The following HIF1A variants were observed in gnomAD, a reference collection of about 807,000 sequenced individuals.
HIF1A encodes hypoxia inducible factor 1 subunit alpha, also known as hypoxia-inducible factor 1-alpha.
In HIF1A, 24 loss-of-function variants were observed where a neutral mutation model predicts 92.7. The observed-to-expected ratio is 0.26, with a 90% CI of 0.19 to 0.36. HIF1A has a LOEUF of 0.36. Among genes scored for constraint, HIF1A ranks in the 10% least tolerant of loss-of-function variants. HIF1A has a pLI of 1.00. For synonymous variants in HIF1A, 319 were observed against 338.7 expected, an observed-to-expected ratio of 0.94 and a Z score of 0.64; for missense variants, 799 against 998.5, an observed-to-expected ratio of 0.80 and a Z score of 2.69.
At chr14:61,699,258 G>T (rs1226543827) in intron 1 of HIF1A, among the ~76,000 whole-genome samples, 43 of 152,134 alleles carry the variant, frequency 2.8e-4, no homozygotes, top group Admixed American at 2.8e-3. Context: ...CATTCCTACG[G>T]TCCACTGCAG....
chr14:61,698,484 C>T (rs1344003369), intron 1 of HIF1A, among the ~76,000 whole-genome samples: 1 of 152,204 alleles, frequency 6.6e-6, no homozygotes, highest in African/African-American at 2.4e-5. Context: ...AAGCACTTAG[C>T]CCATTGCAGG....
At chr14:61,697,955 G>A in intron 1 of HIF1A, 2 of 1,489,438 alleles carry the variant, frequency 1.3e-6, no homozygotes, top group Non-Finnish European at 1.8e-6. Flanking sequence ...TAGAAAATGG[G>A]TATGGTTATG....
At chr14:61,707,306 T>G (rs2044250322) in intron 1 of HIF1A, among the ~76,000 whole-genome samples, 1 of 540 alleles carries the variant, frequency 1.9e-3, no homozygotes, top group African/African-American at 2.3e-3. Context: ...CATTCTGTGT[T>G]TTTTTTTTCT....
intron 1 of HIF1A, among the ~76,000 whole-genome samples, chr14:61,715,168 A>G (rs781408221): frequency 5.9e-5 from 9 of 152,192 alleles, no homozygotes; most frequent in Non-Finnish European, 8.8e-5. Flanking sequence ...CTGAATTACC[A>G]TCTTTTGACT....
intron 1 of HIF1A, among the ~76,000 whole-genome samples, chr14:61,702,524 A>C (rs2044190169): frequency 6.6e-6 from 1 of 152,026 alleles, no homozygotes; most frequent in African/African-American, 2.4e-5. Context: ...AAGAAAGTTA[A>C]AGAATCTCCT....
At chr14:61,735,788 A>C (rs1253760949) in intron 8 of HIF1A, among the ~76,000 whole-genome samples, 12 of 152,170 alleles carry the variant, frequency 7.9e-5, no homozygotes, top group Non-Finnish European at 1.5e-4. Context: ...CTCTCTTAGA[A>C]AGATCTTAAT....
At position 61,709,516 on chromosome 14, in the gene HIF1A, AT is replaced by A. The variant is rs2044282655; in HGVS notation, c.36-10863del. 3.9e-5 allele frequency among the ~76,000 whole-genome samples: 6 copies of A among 152,068 alleles called. No individual in the cohort carries two copies. The South Asian group carries it at 1.3e-3, about 32-fold the overall frequency. On this transcript the variant is annotated intron_variant, in intron 1 of 14. Transcript: ENST00000337138. ...TTATTTTACTGCATTAGAAAATCAC[AT>A]TTAAAGTAAGCATTTTGGTGAGGTT...
chr14:61,729,188 G>A (rs184325802), intron 6 of HIF1A, among the ~76,000 whole-genome samples: 4 of 152,202 alleles, frequency 2.6e-5, no homozygotes, highest in African/African-American at 9.6e-5. Flanking sequence ...ATGGCTGGGT[G>A]GGGTGGCTCA....
chr14:61,728,810 G>A (rs2044539439), intron 6 of HIF1A, among the ~76,000 whole-genome samples: 1 of 152,086 alleles, frequency 6.6e-6, no homozygotes. Context: ...CATCTAAGTT[G>A]CCAGAAAGTG....
At chr14:61,725,774 G>C (rs896138614) in intron 4 of HIF1A, among the ~76,000 whole-genome samples, 2 of 151,468 alleles carry the variant, frequency 1.3e-5, no homozygotes, top group South Asian at 2.1e-4. Flanking sequence ...GTTATAGAAG[G>C]TTTGAAATTG....
At chr14:61,711,149 A>G (rs1278092295) in intron 1 of HIF1A, among the ~76,000 whole-genome samples, 2 of 151,170 alleles carry the variant, frequency 1.3e-5, no homozygotes, top group African/African-American at 4.9e-5. Context: ...AAGTTAGTAA[A>G]CTCCTGTTTC....
intron 6 of HIF1A, among the ~76,000 whole-genome samples, chr14:61,731,166 G>A (rs528924782): frequency 1.1e-4 from 16 of 151,752 alleles, no homozygotes; most frequent in Admixed American, 7.2e-4. Flanking sequence ...AGTTAGGTAG[G>A]GTTTTTTTTT....
Position 61,744,515 on chromosome 14 carries a change from C to CAAA in HIF1A, c.2094-174_2094-172dup, listed in dbSNP as rs35092820. 1.0e-3 allele frequency among the ~76,000 whole-genome samples: 133 copies of CAAA among 130,794 alleles called. 2 individuals carry two copies. Among genetic ancestry groups the CAAA allele is most frequent in the East Asian group, 6.5e-3 (30 of 4,586 alleles). The allele number at this position is 130,794 out of a possible 152,430, so 85.8% of individuals were successfully genotyped here. On this transcript the variant is annotated intron_variant, in intron 12 of 14. Coordinates refer to ENST00000337138, the MANE Select transcript of HIF1A (RefSeq NM_001530.4). ...CTGACAGAGTAAGACCGTGTTTCAC[C>CAAA]AAAAAAAAAAAAAAAAAATTAAGCT...
chr14:61,710,348 C>T (rs2044292549), intron 1 of HIF1A, among the ~76,000 whole-genome samples: 2 of 152,108 alleles, frequency 1.3e-5, no homozygotes, highest in African/African-American at 2.4e-5. Flanking sequence ...AGATAACCTC[C>T]GTGAAGGTAG....
chr14:61,718,854 G>C (rs2044393328), intron 1 of HIF1A, among the ~76,000 whole-genome samples: 1 of 152,016 alleles, frequency 6.6e-6, no homozygotes, highest in African/African-American at 2.4e-5. Flanking sequence ...TAAATTTCAA[G>C]GTACTCAAGT....
chr14:61,725,584 T>C (rs1224424714), intron 4 of HIF1A, among the ~76,000 whole-genome samples: 1 of 152,032 alleles, frequency 6.6e-6, no homozygotes, highest in African/African-American at 2.4e-5. Context: ...CTAGCTGATA[T>C]TTATATTTTT....
chr14:61,721,696 T>C (rs368011870), intron 3 of HIF1A, 42 bp downstream of exon 3: 6 of 1,610,374 alleles, frequency 3.7e-6, no homozygotes, highest in African/African-American at 2.7e-5. Flanking sequence ...TATGTTTTTA[T>C]GATTTTATGA....
intron 2 of HIF1A, 121 bp from the exon 3 acceptor site, chr14:61,721,388 G>T (rs1450985387): frequency 9.7e-6 from 7 of 718,256 alleles, no homozygotes; most frequent in Non-Finnish European, 1.6e-5. Context: ...TTTCTGTGTT[G>T]AAATGGCTGT....
chr14:61,695,935 T>TG (rs113439501), intron 1 of HIF1A, 96 bp downstream of exon 1: 33,847 of 1,133,962 alleles, frequency 0.03, 668 homozygotes, highest in African/African-American at 0.074. Context: ...TTAATGGGAT[T>TG]GGGGGGGGCA....
Sources: allele counts gnomAD v4.1 joint callset (sites outside exome capture counted in the v4.1 genomes callset), GRCh38; gene constraint gnomAD v4.1.1; transcripts MANE v1.5; gene names NCBI Gene and HGNC (gene_info 2026-07-23, HGNC 2026-07-21).